The following SPIDR variants were observed in gnomAD, a reference collection of about 807,000 sequenced individuals.
SPIDR encodes the protein DNA repair-scaffolding protein.
Under a neutral mutation model 104.6 loss-of-function variants are expected in SPIDR, and 93 were observed. The ratio of observed to expected loss-of-function variants is 0.89; its 90% CI spans 0.75 to 1.06. The LOEUF (loss-of-function observed/expected upper bound fraction) is 1.06. Among genes scored for constraint, SPIDR ranks in the 50% least tolerant of loss-of-function variants. SPIDR has a pLI of 0.00. For synonymous variants in SPIDR, 431 were observed against 416.9 expected (o/e 1.03, Z -0.41); for missense variants, 1,154 against 1,111.2 (o/e 1.04, Z -0.55).
intron 8 of SPIDR, among the ~76,000 whole-genome samples, chr8:47,481,080 C>T (rs782618827): frequency 6.6e-6 from 1 of 152,208 alleles, no homozygotes; most frequent in Non-Finnish European, 1.5e-5. Context: ...TCTTGAAAGA[C>T]AGCACAGGAA....
intron 8 of SPIDR, among the ~76,000 whole-genome samples, chr8:47,452,939 A>G (rs1280510536): frequency 6.6e-6 from 1 of 152,196 alleles, no homozygotes; most frequent in Non-Finnish European, 1.5e-5. Flanking sequence ...TTTGTAGATG[A>G]CATGAATATA....
chr8:47,398,384 A>G (rs1426559963), intron 6 of SPIDR, among the ~76,000 whole-genome samples: 5 of 152,268 alleles, frequency 3.3e-5, no homozygotes, highest in African/African-American at 1.2e-4. Context: ...GAAGGGCAAT[A>G]AGGAGCCAAG....
At chr8:47,305,539 C>T (rs1306321522) in intron 5 of SPIDR, among the ~76,000 whole-genome samples, 1 of 152,060 alleles carries the variant, frequency 6.6e-6, no homozygotes, top group Non-Finnish European at 1.5e-5. Context: ...TTTAAAAAAA[C>T]AGGAATAAAC....
At chr8:47,644,023 C>T (rs1013759746) in intron 10 of SPIDR, among the ~76,000 whole-genome samples, 4 of 152,196 alleles carry the variant, frequency 2.6e-5, no homozygotes, top group Non-Finnish European at 5.9e-5. Flanking sequence ...GTTTACATTT[C>T]TGGAACTTAC....
intron 8 of SPIDR, among the ~76,000 whole-genome samples, chr8:47,510,020 A>G (rs1016970454): frequency 6.6e-6 from 1 of 152,168 alleles, no homozygotes; most frequent in Admixed American, 6.6e-5. Context: ...TGATGCTCCT[A>G]AAAACAGCAT....
At chr8:47,570,775 T>G (rs898604539) in intron 8 of SPIDR, among the ~76,000 whole-genome samples, 1 of 152,160 alleles carries the variant, frequency 6.6e-6, no homozygotes, top group Non-Finnish European at 1.5e-5. Flanking sequence ...GCAAAGAAGA[T>G]ATACAATAAG....
chr8:47,612,646 G>A (rs2063746530), intron 10 of SPIDR, among the ~76,000 whole-genome samples: 1 of 152,172 alleles, frequency 6.6e-6, no homozygotes, highest in Non-Finnish European at 1.5e-5. Context: ...TGTTTGGGTG[G>A]AAAGTTGGGG....
At chr8:47,407,581 G>A (rs2062932209) in intron 6 of SPIDR, among the ~76,000 whole-genome samples, 1 of 152,134 alleles carries the variant, frequency 6.6e-6, no homozygotes, top group Non-Finnish European at 1.5e-5. Context: ...TAGAAAAATA[G>A]GTAAGCTGAT....
At chr8:47,511,232 C>A in intron 8 of SPIDR, 1 of 1,589,114 alleles carries the variant, frequency 6.3e-7, no homozygotes, top group Non-Finnish European at 8.6e-7. Context: ...AGCCTCCCAC[C>A]GTCTGCAAGC....
In SPIDR at chr8:47,691,199, G is replaced by A. The variant is rs146909831; in HGVS notation, c.1686-9204G>A. On this transcript the variant is annotated intron_variant, in intron 11 of 19. Transcript: ENST00000297423. ...CCCAGCTACTGGGAGCCCGAAACAC[G>A]AGAATCACTTAAACCTAGGAGGCGG... 3.5e-3 allele frequency among the ~76,000 whole-genome samples: 527 copies of A among 148,916 alleles called. 3 individuals carry two copies. Among genetic ancestry groups the A allele is most frequent in the African/African-American group, 0.013 (510 of 40,258 alleles).
At chr8:47,722,904 T>C (rs776715929) in intron 16 of SPIDR, among the ~76,000 whole-genome samples, 5 of 152,142 alleles carry the variant, frequency 3.3e-5, no homozygotes, top group Non-Finnish European at 7.3e-5. Flanking sequence ...ATTGGTGTGA[T>C]CATAGCTAAC....
chr8:47,611,326 A>T (rs1333600638), intron 10 of SPIDR, among the ~76,000 whole-genome samples: 3 of 152,196 alleles, frequency 2.0e-5, no homozygotes. Flanking sequence ...GTGTAAACAA[A>T]CAGGGAACAG....
At chr8:47,535,331 G>A (rs148934357) in intron 8 of SPIDR, among the ~76,000 whole-genome samples, 68 of 152,236 alleles carry the variant, frequency 4.5e-4, no homozygotes, top group African/African-American at 1.4e-3. Context: ...AGCAAGACAA[G>A]GAAGGATGCC....
chr8:47,374,270 C>G (rs1554640897), intron 5 of SPIDR, among the ~76,000 whole-genome samples: 1 of 152,062 alleles, frequency 6.6e-6, no homozygotes, highest in Non-Finnish European at 1.5e-5. Context: ...GCCTGTAATC[C>G]TAACACTTTG....
chr8:47,642,239 C>T (rs185264889), intron 10 of SPIDR, among the ~76,000 whole-genome samples: 8 of 151,696 alleles, frequency 5.3e-5, no homozygotes, highest in African/African-American at 7.3e-5. Flanking sequence ...CTGGCTAACA[C>T]GGTAAAACTA....
intron 8 of SPIDR, among the ~76,000 whole-genome samples, chr8:47,540,485 T>C (rs1045787310): frequency 1.3e-5 from 2 of 152,176 alleles, no homozygotes; most frequent in African/African-American, 4.8e-5. Flanking sequence ...GACAATAAAA[T>C]ATTTTGACCC....
chr8:47,485,419 C>A (rs2077442214), intron 8 of SPIDR, among the ~76,000 whole-genome samples: 1 of 152,228 alleles, frequency 6.6e-6, no homozygotes, highest in Non-Finnish European at 1.5e-5. Flanking sequence ...TAAACTCCAC[C>A]TCTGCGGGCA....
intron 5 of SPIDR, among the ~76,000 whole-genome samples, chr8:47,368,922 T>C (rs2057617207): frequency 6.6e-6 from 1 of 152,076 alleles, no homozygotes; most frequent in African/African-American, 2.4e-5. Flanking sequence ...CTATCAGAGG[T>C]TTGTTAGAAC....
intron 11 of SPIDR, among the ~76,000 whole-genome samples, chr8:47,694,237 A>C (rs567306058): frequency 6.6e-6 from 1 of 152,366 alleles, no homozygotes; most frequent in African/African-American, 2.4e-5. Flanking sequence ...ATAATGATTC[A>C]GCAACAAATA....
Sources: gnomAD v4.1 joint callset for allele counts (sites outside exome capture counted in the v4.1 genomes callset) on GRCh38, gnomAD v4.1.1 for gene constraint, MANE v1.5 for transcripts, NCBI Gene and HGNC (gene_info 2026-07-23, HGNC 2026-07-21) for gene names.